MTUS2: variants seen among roughly 807,000 people sequenced by gnomAD.
MTUS2 encodes the protein microtubule associated scaffold protein 2.
Under a neutral mutation model 114.1 loss-of-function variants are expected in MTUS2, and 40 were observed. The ratio of observed to expected loss-of-function variants is 0.35; its 90% CI spans 0.27 to 0.46. The LOEUF (loss-of-function observed/expected upper bound fraction) is 0.46, where lower values mean the gene tolerates loss of function less well. MTUS2 is among the 20% of genes least tolerant of loss of function. The pLI, the probability that MTUS2 is intolerant of heterozygous loss-of-function variation, is 1.00. For synonymous variants in MTUS2, 688 were observed against 672.0 expected (o/e 1.02, Z -0.37); for missense variants, 1,679 against 1,705.4 (o/e 0.98, Z 0.27).
rs566898028 is a variant in MTUS2, at chr13:29,325,817, A to C, written c.2905+1106A>C. ...GTTGTATTATTGCCCCTCTCTTTAC[A>C]TGTGAGGAAAGTGAGGCACAGACAT... On this transcript the variant is annotated intron_variant, in intron 7 of 15. Coordinates refer to ENST00000612955, the MANE Select transcript of MTUS2 (RefSeq NM_001033602.4). Among the ~76,000 whole-genome samples the C allele has an allele frequency of 3.7e-4, 57 of 152,288 alleles. 1 individual carries two copies. Among genetic ancestry groups the C allele is most frequent in the African/African-American group, 1.3e-3 (54 of 41,568 alleles).
chr13:29,189,002 A>G (rs1267318454), intron 5 of MTUS2, among the ~76,000 whole-genome samples: 1 of 152,230 alleles, frequency 6.6e-6, no homozygotes, highest in African/African-American at 2.4e-5. Flanking sequence ...AAAGTCAGAA[A>G]TGATGAGAAT....
At chr13:29,096,943 T>G (rs1446620155) in intron 4 of MTUS2, among the ~76,000 whole-genome samples, 2 of 152,128 alleles carry the variant, frequency 1.3e-5, no homozygotes, top group Non-Finnish European at 2.9e-5. Flanking sequence ...GGGTAGTACC[T>G]CTGTCTTATA....
rs562660057 is a variant in MTUS2 at position 29,278,036 on chromosome 13, A to G, written c.2645-3668A>G. Among the ~76,000 whole-genome samples the G allele has an allele frequency of 2.6e-5, 4 of 152,332 alleles. No homozygotes were observed. In the East Asian group the frequency reaches 5.8e-4, roughly 22 times the overall value. On this transcript the variant is annotated intron_variant, in intron 5 of 15. Coordinates refer to ENST00000612955, the MANE Select transcript of MTUS2 (RefSeq NM_001033602.4). ...TCATGTTTGAATGGAAACTTGGCATATAACAGCTGGCTTGGCAGATAATGC... is the reference window on the plus strand; with the variant it reads ...TCATGTTTGAATGGAAACTTGGCATGTAACAGCTGGCTTGGCAGATAATGC...
At chr13:28,906,539 T>G (rs1880027246) in intron 2 of MTUS2, among the ~76,000 whole-genome samples, 1 of 151,654 alleles carries the variant, frequency 6.6e-6, no homozygotes, top group South Asian at 2.1e-4. Flanking sequence ...GAGCTGGTTG[T>G]TCAGTTTCCA....
intron 7 of MTUS2, among the ~76,000 whole-genome samples, chr13:29,351,857 G>A (rs1366460124): frequency 1.3e-5 from 2 of 151,010 alleles, no homozygotes; most frequent in African/African-American, 2.4e-5. Flanking sequence ...TCAAGCCATC[G>A]TCCCGCCTTG....
chr13:29,401,442 G>T (rs1046009099), intron 8 of MTUS2, among the ~76,000 whole-genome samples: 1 of 152,148 alleles, frequency 6.6e-6, no homozygotes, highest in Non-Finnish European at 1.5e-5. Context: ...TCCTCCCAAA[G>T]ATTATGATAC....
At chr13:29,428,839 C>G (rs372296441) in intron 8 of MTUS2, 3 of 1,613,712 alleles carry the variant, frequency 1.9e-6, no homozygotes, top group Admixed American at 3.3e-5. Context: ...GCCAGCCTGC[C>G]GGGATGGGCC....
chr13:29,326,717 G>A (rs148224494), intron 7 of MTUS2, among the ~76,000 whole-genome samples: 89 of 152,210 alleles, frequency 5.8e-4, no homozygotes, highest in African/African-American at 1.9e-3. Context: ...GTGGTGGCTC[G>A]TGCCTGTAAT....
At chr13:29,358,823 C>T (rs1042524279) in intron 7 of MTUS2, among the ~76,000 whole-genome samples, 33 of 151,998 alleles carry the variant, frequency 2.2e-4, no homozygotes, top group Middle Eastern at 3.2e-3. Context: ...GCCTCTACGG[C>T]GAAGAAAGGG....
intron 9 of MTUS2, among the ~76,000 whole-genome samples, chr13:29,473,890 C>T (rs1019408792): frequency 2.0e-5 from 3 of 152,012 alleles, no homozygotes; most frequent in African/African-American, 7.3e-5. Context: ...AGTGAAACTC[C>T]AGGTGTTGTC....
chr13:29,330,253 G>C (rs1363257281), intron 7 of MTUS2, among the ~76,000 whole-genome samples: 1 of 152,146 alleles, frequency 6.6e-6, no homozygotes, highest in Non-Finnish European at 1.5e-5. Context: ...AGAAGTGTCT[G>C]TTGATTTCCT....
chr13:29,431,747 A>C (rs186612458), intron 8 of MTUS2, among the ~76,000 whole-genome samples: 1 of 152,334 alleles, frequency 6.6e-6, no homozygotes, highest in Non-Finnish European at 1.5e-5. Flanking sequence ...GAGAGGGGCA[A>C]CCTCATGGTA....
intron 4 of MTUS2, among the ~76,000 whole-genome samples, chr13:29,055,558 T>G (rs1888095158): frequency 6.6e-6 from 1 of 152,118 alleles, no homozygotes; most frequent in Non-Finnish European, 1.5e-5. Flanking sequence ...GTCTGTTCTC[T>G]TCTTTGTTTC....
intron 2 of MTUS2, among the ~76,000 whole-genome samples, chr13:28,894,337 AGAGAGAGAGAGAGT>A (rs1161374417): frequency 1.4e-4 from 10 of 70,566 alleles, no homozygotes; most frequent in Non-Finnish European, 5.2e-5. Context: ...AGGGAGAGAG[AGAGAGAGAGAGAGT>A]GAGAGTGAGA....
intron 8 of MTUS2, among the ~76,000 whole-genome samples, chr13:29,436,425 A>G (rs551692439): frequency 1.3e-5 from 2 of 152,338 alleles, no homozygotes; most frequent in African/African-American, 4.8e-5. Context: ...TAAATGACAT[A>G]AAGGGCTTAC....
At chr13:29,277,664 C>T (rs1898114836) in intron 5 of MTUS2, among the ~76,000 whole-genome samples, 1 of 152,194 alleles carries the variant, frequency 6.6e-6, no homozygotes, top group South Asian at 2.1e-4. Context: ...TGGACATAAA[C>T]TAAAGTACAT....
chr13:29,311,438 GTTGA>G (rs2139642995), intron 6 of MTUS2, among the ~76,000 whole-genome samples: 1 of 152,296 alleles, frequency 6.6e-6, no homozygotes, highest in East Asian at 1.9e-4. Context: ...TATTATAGTA[GTTGA>G]TTAAGAAAAA....
At chr13:29,465,445 G>A (rs1294444411) in intron 9 of MTUS2, among the ~76,000 whole-genome samples, 1 of 152,184 alleles carries the variant, frequency 6.6e-6, no homozygotes, top group Non-Finnish European at 1.5e-5. Flanking sequence ...ACTTACCGCA[G>A]CACTGGGAGA....
intron 5 of MTUS2, among the ~76,000 whole-genome samples, chr13:29,190,156 A>G (rs1394918319): frequency 6.6e-6 from 1 of 152,236 alleles, no homozygotes; most frequent in Non-Finnish European, 1.5e-5. Flanking sequence ...AACTCAGTCT[A>G]TGGTATTTCG....
Sources: gnomAD v4.1 joint callset for allele counts (sites outside exome capture counted in the v4.1 genomes callset) on GRCh38, gnomAD v4.1.1 for gene constraint, MANE v1.5 for transcripts, NCBI Gene and HGNC (gene_info 2026-07-23, HGNC 2026-07-21) for gene names.